DSCAM: variants seen among roughly 807,000 people sequenced by gnomAD.
DSCAM encodes DS cell adhesion molecule, also known as cell adhesion molecule DSCAM.
A neutral mutation model predicts 217.7 loss-of-function variants in DSCAM; 47 were observed. The ratio of observed to expected loss-of-function variants is 0.22; its 90% CI spans 0.17 to 0.28. The LOEUF (loss-of-function observed/expected upper bound fraction) is 0.28. Among genes scored for constraint, DSCAM ranks in the 10% least tolerant of loss-of-function variants. DSCAM has a pLI of 1.00. For synonymous variants in DSCAM, 1,056 were observed against 1,015.3 expected (o/e 1.04, Z -0.76); for missense variants, 2,080 against 2,618.3 (o/e 0.79, Z 4.49).
intron 3 of DSCAM, among the ~76,000 whole-genome samples, chr21:40,566,039 T>C (rs1347940347): frequency 6.6e-6 from 1 of 152,230 alleles, no homozygotes; most frequent in Non-Finnish European, 1.5e-5. Context: ...AGTCTAGACG[T>C]AAGCCAAACT....
At chr21:40,026,395 A>G (rs79356935) in intron 32 of DSCAM, among the ~76,000 whole-genome samples, 29,231 of 117,540 alleles carry the variant, frequency 0.25, 4,763 homozygotes, top group East Asian at 0.45. Flanking sequence ...GGTCCACTTG[A>G]TGCAGAGCTG....
chr21:40,658,910 G>C (rs2090105067), intron 3 of DSCAM, among the ~76,000 whole-genome samples: 1 of 152,112 alleles, frequency 6.6e-6, no homozygotes, highest in Non-Finnish European at 1.5e-5. Context: ...TTTAGTTCCT[G>C]AGATGAATGG....
intron 1 of DSCAM, among the ~76,000 whole-genome samples, chr21:40,773,037 C>T (rs898073290): frequency 6.6e-6 from 1 of 152,352 alleles, no homozygotes; most frequent in African/African-American, 2.4e-5. Flanking sequence ...CCCTGCAGGG[C>T]GCTCTGTGCG....
chr21:40,447,581 A>G (rs1025281988), intron 3 of DSCAM, among the ~76,000 whole-genome samples: 1 of 152,248 alleles, frequency 6.6e-6, no homozygotes, highest in Non-Finnish European at 1.5e-5. Flanking sequence ...TCTAATTTAC[A>G]CAGCGAAATG....
intron 3 of DSCAM, among the ~76,000 whole-genome samples, chr21:40,590,602 T>G (rs568646934): frequency 6.6e-6 from 1 of 152,170 alleles, no homozygotes; most frequent in African/African-American, 2.4e-5. Context: ...ATAGATGATA[T>G]AGCTAGTAAT....
intron 3 of DSCAM, among the ~76,000 whole-genome samples, chr21:40,538,159 T>C (rs2076514272): frequency 6.6e-6 from 1 of 152,136 alleles, no homozygotes; most frequent in South Asian, 2.1e-4. Context: ...ATAGCCTCTC[T>C]CCCATCGGTC....
chr21:40,400,389 C>T (rs1440740947), intron 3 of DSCAM, among the ~76,000 whole-genome samples: 1 of 152,100 alleles, frequency 6.6e-6, no homozygotes, highest in African/African-American at 2.4e-5. Flanking sequence ...TAATAGAATG[C>T]TCAATTCTCA....
At chr21:40,660,644 A>G (rs186966636) in intron 3 of DSCAM, among the ~76,000 whole-genome samples, 8 of 152,266 alleles carry the variant, frequency 5.3e-5, no homozygotes, top group Admixed American at 2.0e-4. Context: ...GGTGTAGAAA[A>G]CATGCAGAGT....
intron 32 of DSCAM, among the ~76,000 whole-genome samples, chr21:40,033,757 C>T (rs2088580049): frequency 6.6e-6 from 1 of 151,646 alleles, no homozygotes; most frequent in South Asian, 2.1e-4. Flanking sequence ...CAGCAGTAAC[C>T]TCTGCAGACT....
intron 3 of DSCAM, among the ~76,000 whole-genome samples, chr21:40,663,731 C>T (rs565021303): frequency 1.3e-5 from 2 of 152,190 alleles, no homozygotes; most frequent in Non-Finnish European, 2.9e-5. Flanking sequence ...AGGAGCCAAT[C>T]TAAACCAGAG....
chr21:40,393,172 A>G (rs754395943), intron 3 of DSCAM, among the ~76,000 whole-genome samples: 6 of 152,200 alleles, frequency 3.9e-5, no homozygotes, highest in Non-Finnish European at 2.9e-5. Context: ...TTAAAGGTAT[A>G]CTGCCAAAGA....
chr21:40,030,696 T>C (rs2088505107), intron 32 of DSCAM, among the ~76,000 whole-genome samples: 1 of 152,194 alleles, frequency 6.6e-6, no homozygotes, highest in African/African-American at 2.4e-5. Flanking sequence ...GACCTAAATA[T>C]TGGCATGTGC....
At chr21:40,224,218 G>T (rs1185200438) in intron 11 of DSCAM, among the ~76,000 whole-genome samples, 2 of 152,114 alleles carry the variant, frequency 1.3e-5, no homozygotes, top group African/African-American at 4.8e-5. Context: ...TTAACTGGTT[G>T]ATTATCACTC....
At chr21:40,743,270 G>A (rs2091142177) in intron 1 of DSCAM, among the ~76,000 whole-genome samples, 1 of 152,088 alleles carries the variant, frequency 6.6e-6, no homozygotes, top group South Asian at 2.1e-4. Flanking sequence ...AAATTCACAT[G>A]GTAAAATACC....
chr21:40,780,284 C>G (rs895624403), intron 1 of DSCAM, among the ~76,000 whole-genome samples: 1 of 151,898 alleles, frequency 6.6e-6, no homozygotes. Context: ...CATGATGAGG[C>G]TCTAGAAACT....
At chr21:40,037,126 C>T (rs989621207) in intron 32 of DSCAM, among the ~76,000 whole-genome samples, 9 of 150,002 alleles carry the variant, frequency 6.0e-5, no homozygotes, top group Non-Finnish European at 1.3e-4. Context: ...TGCCCTCTCT[C>T]ACCACTCCTA....
At chr21:40,136,351 A>C (rs1188962429) in intron 18 of DSCAM, among the ~76,000 whole-genome samples, 1 of 152,194 alleles carries the variant, frequency 6.6e-6, no homozygotes, top group Admixed American at 6.5e-5. Flanking sequence ...ATGATGGCTC[A>C]TGCCTGTGGT....
intron 10 of DSCAM, among the ~76,000 whole-genome samples, chr21:40,276,747 G>C (rs897638719): frequency 6.6e-6 from 1 of 152,050 alleles, no homozygotes; most frequent in Non-Finnish European, 1.5e-5. Context: ...AATATTGCAG[G>C]TTTCTCTTTA....
intron 1 of DSCAM, among the ~76,000 whole-genome samples, chr21:40,827,387 C>T (rs769105955): frequency 2.7e-5 from 4 of 147,802 alleles, no homozygotes; most frequent in African/African-American, 5.0e-5. Context: ...GAGGATCACT[C>T]GAGCCCAGGA....
Sources: allele counts gnomAD v4.1 joint callset (sites outside exome capture counted in the v4.1 genomes callset), GRCh38; gene constraint gnomAD v4.1.1; transcripts MANE v1.5; gene names NCBI Gene and HGNC (gene_info 2026-07-23, HGNC 2026-07-21).